Variants in CDH18 observed in about 807,000 individuals in gnomAD.
CDH18 encodes the protein cadherin-18.
In CDH18, 31 loss-of-function variants were observed where a neutral mutation model predicts 67.9. That is an observed-to-expected ratio of 0.46 (90% CI 0.34 to 0.62). The LOEUF (loss-of-function observed/expected upper bound fraction) is 0.62. Ranked by LOEUF, CDH18 falls within the 20% of genes least tolerant of loss-of-function variation. CDH18 has a pLI of 0.01. For missense variants in CDH18, 890 were observed against 975.5 expected (o/e 0.91, Z 1.17); for synonymous variants, 362 against 347.2 (o/e 1.04, Z -0.48).
chr5:20,033,207 A>T (rs1027635217), intron 2 of CDH18, among the ~76,000 whole-genome samples: 7 of 151,794 alleles, frequency 4.6e-5, no homozygotes, highest in African/African-American at 1.7e-4. Context: ...TCCTTTTTAA[A>T]AAAAAAAAAT....
intron 5 of CDH18, among the ~76,000 whole-genome samples, chr5:19,646,718 T>C (rs1247067205): frequency 6.6e-6 from 1 of 152,168 alleles, no homozygotes; most frequent in Non-Finnish European, 1.5e-5. Context: ...ATAAAGGATG[T>C]ATGAAAAATA....
intron 11 of CDH18, among the ~76,000 whole-genome samples, chr5:19,487,480 A>T (rs1740598842): frequency 6.6e-6 from 1 of 152,228 alleles, no homozygotes; most frequent in Admixed American, 6.5e-5. Flanking sequence ...AAAATATTTC[A>T]CATGAAGAAT....
intron 2 of CDH18, among the ~76,000 whole-genome samples, chr5:20,241,892 GTA>G (rs1554106527): frequency 4.4e-4 from 13 of 29,258 alleles, no homozygotes; most frequent in Admixed American, 1.7e-3. Flanking sequence ...ATATATATAT[GTA>G]TATATATATA....
chr5:19,756,662 G>T (rs931572776), intron 3 of CDH18, among the ~76,000 whole-genome samples: 13 of 152,190 alleles, frequency 8.5e-5, no homozygotes, highest in African/African-American at 3.1e-4. Flanking sequence ...TCCTTAGCTT[G>T]TTGGCTTAAA....
chr5:19,476,547 A>G (rs1327395915), intron 12 of CDH18, among the ~76,000 whole-genome samples: 1 of 152,084 alleles, frequency 6.6e-6, no homozygotes, highest in Non-Finnish European at 1.5e-5. Flanking sequence ...AGCTCCAAAC[A>G]ACATCCTCAA....
chr5:20,431,127 G>C (rs1339251066), intron 1 of CDH18, among the ~76,000 whole-genome samples: 1 of 152,080 alleles, frequency 6.6e-6, no homozygotes, highest in Non-Finnish European at 1.5e-5. Context: ...AGAAGTCTCT[G>C]ACAATCTCAG....
chr5:20,240,912 A>G (rs1742845459), intron 2 of CDH18, among the ~76,000 whole-genome samples: 1 of 152,234 alleles, frequency 6.6e-6, no homozygotes, highest in African/African-American at 2.4e-5. Flanking sequence ...TTGATGATAT[A>G]GAAAAAACAT....
At chr5:19,757,312 A>G (rs553359642) in intron 3 of CDH18, among the ~76,000 whole-genome samples, 1 of 152,300 alleles carries the variant, frequency 6.6e-6, no homozygotes, top group South Asian at 2.1e-4. Flanking sequence ...AGGAGGTTCA[A>G]TATAATCAAC....
At chr5:19,814,145 G>A (rs1211766381) in intron 3 of CDH18, among the ~76,000 whole-genome samples, 5 of 151,242 alleles carry the variant, frequency 3.3e-5, no homozygotes, top group Non-Finnish European at 1.5e-5. Context: ...AATAAATAAA[G>A]TCTCAATAGA....
At chr5:20,453,570 T>C (rs942080078) in intron 1 of CDH18, among the ~76,000 whole-genome samples, 1 of 74,248 alleles carries the variant, frequency 1.3e-5, no homozygotes, top group African/African-American at 3.7e-5. Flanking sequence ...TGTGTATATA[T>C]ATATGTGTGT....
At chr5:20,400,746 C>G (rs1745696037) in intron 1 of CDH18, among the ~76,000 whole-genome samples, 1 of 151,898 alleles carries the variant, frequency 6.6e-6, no homozygotes, top group East Asian at 1.9e-4. Flanking sequence ...CCTGCACTTC[C>G]CTACAAACCT....
intron 1 of CDH18, among the ~76,000 whole-genome samples, chr5:20,523,236 A>G: frequency 6.6e-6 from 1 of 152,306 alleles, no homozygotes; most frequent in South Asian, 2.1e-4. Flanking sequence ...TTGCTCATGC[A>G]TGCTTTTTGC....
chr5:20,516,937 A>G (rs968934655), intron 1 of CDH18, among the ~76,000 whole-genome samples: 11 of 151,986 alleles, frequency 7.2e-5, no homozygotes, highest in African/African-American at 2.7e-4. Flanking sequence ...AGAGTCCATC[A>G]AATAGAATCT....
intron 2 of CDH18, among the ~76,000 whole-genome samples, chr5:19,925,734 C>T (rs188115551): frequency 2.0e-5 from 3 of 152,246 alleles, no homozygotes; most frequent in African/African-American, 7.2e-5. Context: ...GATCCACCCA[C>T]CTCAGCCTCC....
At chr5:20,362,505 T>C (rs1284726867) in intron 1 of CDH18, among the ~76,000 whole-genome samples, 3 of 152,120 alleles carry the variant, frequency 2.0e-5, no homozygotes, top group African/African-American at 4.8e-5. Flanking sequence ...TGGCATCAAA[T>C]TGCATCTGAG....
intron 1 of CDH18, among the ~76,000 whole-genome samples, chr5:20,343,735 G>A (rs995301032): frequency 3.9e-5 from 6 of 152,140 alleles, no homozygotes; most frequent in African/African-American, 1.4e-4. Context: ...CATTTACACT[G>A]ATTCCAAGTA....
At chr5:19,769,748 T>C (rs1266076277) in intron 3 of CDH18, among the ~76,000 whole-genome samples, 3 of 151,930 alleles carry the variant, frequency 2.0e-5, no homozygotes, top group East Asian at 3.9e-4. Context: ...ATAGATAAAT[T>C]ATATACATTA....
chr5:20,402,701 C>T (rs911885886), intron 1 of CDH18, among the ~76,000 whole-genome samples: 3 of 152,094 alleles, frequency 2.0e-5, no homozygotes, highest in Non-Finnish European at 4.4e-5. Context: ...CTTTTCGCTG[C>T]AAAGGGCCTT....
chr5:19,525,359 C>T (rs1720902803), intron 9 of CDH18, among the ~76,000 whole-genome samples: 1 of 151,150 alleles, frequency 6.6e-6, no homozygotes, highest in Admixed American at 6.6e-5. Context: ...TGTACAATCA[C>T]TATTCTGTAA....
Sources: gnomAD v4.1 joint callset for allele counts (sites outside exome capture counted in the v4.1 genomes callset) on GRCh38, gnomAD v4.1.1 for gene constraint, MANE v1.5 for transcripts, NCBI Gene and HGNC (gene_info 2026-07-23, HGNC 2026-07-21) for gene names.